The following RAB27B variants were observed in gnomAD, a reference collection of about 807,000 sequenced individuals.
RAB27B encodes ras-related protein Rab-27B.
RAB27B carries 15 observed loss-of-function variants against 24.6 expected under a neutral mutation model. The observed-to-expected ratio is 0.61, with a 90% confidence interval of 0.41 to 0.94. The LOEUF (loss-of-function observed/expected upper bound fraction) is 0.94. Among genes scored for constraint, RAB27B ranks in the 40% least tolerant of loss-of-function variants. The probability of loss-of-function intolerance (pLI) is 0.00; values close to 1 mark genes in which losing one functional copy is unlikely to be tolerated. For missense variants in RAB27B, 261 were observed against 266.8 expected (o/e 0.98, Z 0.15); for synonymous variants, 105 against 92.5 (o/e 1.14, Z -0.78).
intron 2 of RAB27B, among the ~76,000 whole-genome samples, chr18:54,769,505 A>C (rs1908477348): frequency 6.6e-6 from 1 of 151,542 alleles, no homozygotes; most frequent in African/African-American, 2.4e-5. Flanking sequence ...TATCCTCTGC[A>C]ACAGTAATAT....
chr18:54,872,871 A>G (rs1179402692), intron 1 of RAB27B, among the ~76,000 whole-genome samples: 1 of 152,180 alleles, frequency 6.6e-6, no homozygotes, highest in Non-Finnish European at 1.5e-5. Context: ...AGCTCCTTCT[A>G]TATGGCAGCC....
chr18:54,746,299 C>G (rs1426818889), intron 2 of RAB27B, among the ~76,000 whole-genome samples: 3 of 152,084 alleles, frequency 2.0e-5, no homozygotes, highest in Non-Finnish European at 4.4e-5. Flanking sequence ...TCGGATGAGA[C>G]AAAAATCAGG....
At chr18:54,773,382 T>C (rs1033904461) in intron 2 of RAB27B, among the ~76,000 whole-genome samples, 1 of 152,178 alleles carries the variant, frequency 6.6e-6, no homozygotes, top group Non-Finnish European at 1.5e-5. Flanking sequence ...AGGGTAGAGA[T>C]GAATTTGGCC....
rs1308691045 is a variant in RAB27B, at chr18:54,828,646, G to A, written c.-74G>A. 6.6e-6 allele frequency: 1 copy of A among 152,340 alleles called. No individual in the cohort carries two copies. Among genetic ancestry groups the A allele is most frequent in the African/African-American group, 2.4e-5 (1 of 41,468 alleles). The allele number at this position is 152,340 out of a possible 1,614,324, so 9.4% of individuals were successfully genotyped here. A position where few individuals can be genotyped will look rare whatever the true frequency, so the allele number is the denominator to read the frequency against. On this transcript the variant is annotated 5_prime_UTR_variant, in exon 1 of 6. Coordinates refer to ENST00000262094, the MANE Select transcript of RAB27B (RefSeq NM_004163.4). ...AGTTCCAGGGCTTGGGAAGGGGAAG[G>A]AAACCTCTCTGAAATCTGACACCTG...
intron 2 of RAB27B, among the ~76,000 whole-genome samples, chr18:54,804,382 T>A (rs1909702252): frequency 6.6e-6 from 1 of 152,170 alleles, no homozygotes. Context: ...TTTTGTGAGA[T>A]CTGATGGGTT....
chr18:54,812,874 T>C (rs760862091), intron 2 of RAB27B, among the ~76,000 whole-genome samples: 2 of 152,128 alleles, frequency 1.3e-5, no homozygotes, highest in Non-Finnish European at 2.9e-5. Context: ...CAAATAAAAC[T>C]AATAATTCAA....
chr18:54,888,672 A>C (rs1280086399), intron 5 of RAB27B, among the ~76,000 whole-genome samples: 1 of 152,046 alleles, frequency 6.6e-6, no homozygotes, highest in East Asian at 1.9e-4. Flanking sequence ...TCCGTGGCAG[A>C]ATCTGTCATT....
At chr18:54,835,476 G>A (rs1910857593) in intron 1 of RAB27B, among the ~76,000 whole-genome samples, 1 of 151,830 alleles carries the variant, frequency 6.6e-6, no homozygotes, top group Non-Finnish European at 1.5e-5. Context: ...CCTAAGGTTT[G>A]TAATACCTAT....
intron 1 of RAB27B, among the ~76,000 whole-genome samples, chr18:54,863,629 C>T (rs1912093210): frequency 6.6e-6 from 1 of 152,070 alleles, no homozygotes; most frequent in Non-Finnish European, 1.5e-5. Flanking sequence ...ACACGTTCAC[C>T]CTTCCCCACA....
At chr18:54,757,372 A>G (rs536913016) in intron 2 of RAB27B, among the ~76,000 whole-genome samples, 1 of 152,308 alleles carries the variant, frequency 6.6e-6, no homozygotes, top group African/African-American at 2.4e-5. Flanking sequence ...CCTCTGCTGG[A>G]TGTCTGTTGG....
At chr18:54,870,675 G>C (rs549192370) in intron 1 of RAB27B, among the ~76,000 whole-genome samples, 1 of 152,176 alleles carries the variant, frequency 6.6e-6, no homozygotes, top group Non-Finnish European at 1.5e-5. Flanking sequence ...GTGAAATATA[G>C]GTTAAAACAT....
At chr18:54,778,219 C>T (rs560983096) in intron 2 of RAB27B, among the ~76,000 whole-genome samples, 25 of 152,160 alleles carry the variant, frequency 1.6e-4, no homozygotes, top group Non-Finnish European at 3.1e-4. Flanking sequence ...GGGCATTTTG[C>T]CCTTAAAGCC....
intron 2 of RAB27B, among the ~76,000 whole-genome samples, chr18:54,745,778 A>T (rs941481120): frequency 6.8e-6 from 1 of 147,442 alleles, no homozygotes; most frequent in African/African-American, 2.5e-5. Flanking sequence ...AAGTATTTAT[A>T]AATATTTATT....
At chr18:54,780,205 C>G (rs1317054987) in intron 2 of RAB27B, among the ~76,000 whole-genome samples, 2 of 143,982 alleles carry the variant, frequency 1.4e-5, no homozygotes, top group Admixed American at 1.4e-4. Context: ...GACTGCTTCC[C>G]CCTCACCGTG....
intron 2 of RAB27B, among the ~76,000 whole-genome samples, chr18:54,823,432 G>C (rs999449052): frequency 3.3e-5 from 5 of 151,700 alleles, no homozygotes; most frequent in African/African-American, 1.2e-4. Flanking sequence ...CAAGTCAAGA[G>C]AAATTTTTAA....
At chr18:54,750,499 TA>T (rs1413181986) in intron 2 of RAB27B, among the ~76,000 whole-genome samples, 1 of 152,160 alleles carries the variant, frequency 6.6e-6, no homozygotes, top group Non-Finnish European at 1.5e-5. Context: ...TGGCTAACAC[TA>T]AAGAAACAAA....
chr18:54,887,977 A>G lies in RAB27B; in HGVS notation c.344-18A>G. Reference sequence around the variant, plus strand: ...TATTTATCAATAACTTGCTGGTTCCATCTGCTTTCTTTTCAAGGCCAACTG... The same window carrying G: ...TATTTATCAATAACTTGCTGGTTCCGTCTGCTTTCTTTTCAAGGCCAACTG... On this transcript the variant is annotated intron_variant, in intron 4 of 5. Transcript: ENST00000262094. 1 of 1,607,434 alleles carries G rather than the reference A, an allele frequency of 6.2e-7. No homozygotes were observed. The highest frequency in any genetic ancestry group is 8.5e-7 in the Non-Finnish European group (1 of 1,176,218).
At chr18:54,882,444 G>T (rs958257389) in intron 3 of RAB27B, among the ~76,000 whole-genome samples, 1 of 152,168 alleles carries the variant, frequency 6.6e-6, no homozygotes, top group Non-Finnish European at 1.5e-5. Flanking sequence ...ATAAACAATC[G>T]CAATGGAGCC....
Position 54,782,078 on chromosome 18 carries a change from T to C in RAB27B, c.-20+63937T>C, listed in dbSNP as rs1360590795. ...GGTTTTAGAAAGTTAATGAGAAAAA[T>C]TATTTACTCTTGGCTATCATGCCTG... On this transcript the variant is annotated intron_variant, in intron 2 of 4. Coordinates refer to the RAB27B transcript ENST00000586570. 3.3e-5 allele frequency among the ~76,000 whole-genome samples: 5 copies of C among 152,206 alleles called. No homozygotes were observed. The East Asian group carries it at 9.6e-4, about 29-fold the overall frequency.
Sources: allele counts gnomAD v4.1 joint callset (sites outside exome capture counted in the v4.1 genomes callset), GRCh38; gene constraint gnomAD v4.1.1; transcripts MANE v1.5; gene names NCBI Gene and HGNC (gene_info 2026-07-23, HGNC 2026-07-21).